PCDHGA9: variants seen among roughly 807,000 people sequenced by gnomAD.
PCDHGA9 encodes protocadherin gamma subfamily A, 9.
A neutral mutation model predicts 62.5 loss-of-function variants in PCDHGA9; 37 were observed. The ratio of observed to expected loss-of-function variants is 0.59; its 90% CI spans 0.46 to 0.78. The LOEUF is 0.78. PCDHGA9 is among the 30% of genes least tolerant of loss of function. PCDHGA9 has a pLI of 0.00. For missense variants in PCDHGA9, 1,138 were observed against 1,166.2 expected, an observed-to-expected ratio of 0.98 and a Z score of 0.35; for synonymous variants, 459 against 484.6, an observed-to-expected ratio of 0.95 and a Z score of 0.69.
rs1430647254 is a variant in PCDHGA9 at position 141,477,750 on chromosome 5, C to T, written c.2425-17057C>T. On this transcript the variant is annotated intron_variant, in intron 1 of 3. Coordinates refer to ENST00000573521, the MANE Select transcript of PCDHGA9 (RefSeq NM_018921.3). This position sits in a 1 kb window ranked among gnomAD's most constrained non-coding sequence, Gnocchi z 4.9. ...GCTCATATCAGCGATGGGGGCACCC[C>T]GGTCCTAGCCACCAACATCAGCGTG... 8 of 1,613,772 alleles carry T rather than the reference C, an allele frequency of 5.0e-6. No individual in the cohort carries two copies. Among genetic ancestry groups the T allele is most frequent in the East Asian group, 2.2e-5 (1 of 44,890 alleles).
At position 141,490,909 on chromosome 5, in the gene PCDHGA9, G is replaced by A. The variant is rs1170664693; in HGVS notation, c.2425-3898G>A. On this transcript the variant is annotated intron_variant, in intron 1 of 3. Coordinates refer to ENST00000573521, the MANE Select transcript of PCDHGA9 (RefSeq NM_018921.3). The surrounding 1 kb of genome is among the most constrained non-coding windows in gnomAD (Gnocchi z 5.4). ...ATCTCTGCATGTGTTTGTCCTAGAC[G>A]AGAATGATAATGCCCCAGCTGTGCT... The A allele has an allele frequency of 1.1e-5, 17 of 1,613,626 alleles. No individual in the cohort carries two copies. Among genetic ancestry groups the A allele is most frequent in the East Asian group, 4.5e-5 (2 of 44,882 alleles).
Position 141,444,232 on chromosome 5 carries a change from C to T in PCDHGA9, c.2424+38856C>T, listed in dbSNP as rs1411172798. Among the ~76,000 whole-genome samples the T allele has an allele frequency of 2.5e-5, 3 of 122,350 alleles. No individual in the cohort carries two copies. In the Admixed American group the frequency reaches 3.3e-4, roughly 14 times the overall value. The allele number at this position is 122,350 out of a possible 152,430, so 80.3% of individuals were successfully genotyped here. ...TGTTGCCCAGGCTGGAGTGCAATGG[C>T]ATGCTCTCGGCTCACTGCAACCTCC... is the stretch of plus-strand genomic sequence containing the variant. On this transcript the variant is annotated intron_variant, in intron 1 of 3. Coordinates refer to ENST00000573521, the MANE Select transcript of PCDHGA9 (RefSeq NM_018921.3).
intron 1 of PCDHGA9, chr5:141,426,927 A>G (rs1480193041): frequency 2.2e-6 from 1 of 456,634 alleles, no homozygotes; most frequent in African/African-American, 2.0e-5. Flanking sequence ...AGCAATGGAC[A>G]TGGGTGACCC....
Position 141,486,914 on chromosome 5 carries a change from C to T in PCDHGA9, c.2425-7893C>T, listed in dbSNP as rs1469857080. On this transcript the variant is annotated intron_variant, in intron 1 of 3. Coordinates refer to ENST00000573521, the MANE Select transcript of PCDHGA9 (RefSeq NM_018921.3). This position sits in a 1 kb window ranked among gnomAD's most constrained non-coding sequence, Gnocchi z 5.0. ...TGGTTCCTTATGTCCCCAAGCACTG[C>T]CTCCATCAGTTGGTGCTGGCCACCT... The T allele has an allele frequency of 6.2e-7, 1 of 1,614,236 alleles. No individual in the cohort carries two copies.
intron 1 of PCDHGA9, among the ~76,000 whole-genome samples, chr5:141,429,535 T>TG (rs1278730394): frequency 2.0e-5 from 3 of 152,168 alleles, no homozygotes; most frequent in Non-Finnish European, 4.4e-5. Flanking sequence ...CTTAAAAAAA[T>TG]AAGAACATGG....
At position 141,460,912 on chromosome 5, in the gene PCDHGA9, G is replaced by GTA. The variant is rs34683754; in HGVS notation, c.2425-33883_2425-33882dup. ...TCGTGGCTGAGTAATATTCCATGGT[G>GTA]TATATATATATATGTGTGTGTGTAT... On this transcript the variant is annotated intron_variant, in intron 1 of 3. Coordinates refer to ENST00000573521, the MANE Select transcript of PCDHGA9 (RefSeq NM_018921.3). Among the ~76,000 whole-genome samples, 731 of 149,318 alleles carry GTA rather than the reference G, an allele frequency of 4.9e-3. 9 individuals carry two copies. Among genetic ancestry groups the GTA allele is most frequent in the African/African-American group, 0.016 (631 of 40,624 alleles).
At chr5:141,456,051 C>T (rs1592410743) in intron 1 of PCDHGA9, among the ~76,000 whole-genome samples, 1 of 151,998 alleles carries the variant, frequency 6.6e-6, no homozygotes, top group Non-Finnish European at 1.5e-5. Context: ...GCGCCCACCA[C>T]CACGTCCGGC....
In PCDHGA9 at chr5:141,476,780, C is replaced by T. The variant is rs201463036; in HGVS notation, c.2425-18027C>T. On this transcript the variant is annotated intron_variant, in intron 1 of 3. Transcript: ENST00000573521. This position sits in a 1 kb window ranked among gnomAD's most constrained non-coding sequence, Gnocchi z 7.6. ...GCTGACGGCGTTGGACGGAGGGACCCCAGCTCTCTCCGCCAGCCTGCCTAT... is the reference window on the plus strand; with the variant it reads ...GCTGACGGCGTTGGACGGAGGGACCTCAGCTCTCTCCGCCAGCCTGCCTAT... 234 of 1,613,464 alleles carry T rather than the reference C, an allele frequency of 1.5e-4. No individual in the cohort carries two copies. Among genetic ancestry groups the T allele is most frequent in the Non-Finnish European group, 1.9e-4 (227 of 1,180,026 alleles).
In PCDHGA9 at chr5:141,404,779, C is replaced by G; in HGVS notation, c.1827C>G (p.Phe609Leu). 6.2e-7 allele frequency: 1 copy of G among 1,613,746 alleles called. No homozygotes were observed. The highest frequency in any genetic ancestry group is 8.5e-7 in the Non-Finnish European group (1 of 1,180,004). Residue 609 changes from phenylalanine (F) to leucine (L), a missense_variant, in exon 1 of 4, where the codon TTC becomes TTG. Phe to Leu is a conservative substitution (Grantham distance 22). Coordinates refer to ENST00000573521, the MANE Select transcript of PCDHGA9 (RefSeq NM_018921.3). ...GQNAWLSYRL[F>L]KASEPGLFSV... ...ATGCTTGGCTCTCCTACCGCCTATT[C>G]AAGGCCAGTGAGCCAGGGCTCTTCT...
chr5:141,409,278 A>C, intron 1 of PCDHGA9: 1 of 1,614,022 alleles, frequency 6.2e-7, no homozygotes, highest in Non-Finnish European at 8.5e-7. Flanking sequence ...ATTTTGGAGA[A>C]TTCACCTCCA....
At position 141,491,318 on chromosome 5, in the gene PCDHGA9, A is replaced by C; in HGVS notation, c.2425-3489A>C. The C allele has an allele frequency of 6.2e-7, 1 of 1,613,862 alleles. No individual in the cohort carries two copies. The highest frequency in any genetic ancestry group is 8.5e-7 in the Non-Finnish European group (1 of 1,179,916). On this transcript the variant is annotated intron_variant, in intron 1 of 3. Transcript: ENST00000573521. The surrounding 1 kb of genome is among the most constrained non-coding windows in gnomAD (Gnocchi z 6.9). ...CCTGAGCGTTCAGACCTTACCCTTT[A>C]CCTCATTGTGGCTCTAGCGACCGTC...
rs113212669 is a variant in PCDHGA9 at position 141,465,048 on chromosome 5, A to T, written c.2425-29759A>T. 2.4e-3 allele frequency among the ~76,000 whole-genome samples: 362 copies of T among 151,344 alleles called. 4 individuals are homozygous for T. Among genetic ancestry groups the T allele is most frequent in the African/African-American group, 8.4e-3 (346 of 41,268 alleles). On this transcript the variant is annotated intron_variant, in intron 1 of 3. Transcript: ENST00000573521. ...TGAACCACCACAAATGACCCTATAT[A>T]TTTTTTTGAATTGTCTGTTCATGTC...
intron 1 of PCDHGA9, chr5:141,426,194 T>C (rs1482565872): frequency 6.4e-6 from 1 of 155,380 alleles, no homozygotes; most frequent in Non-Finnish European, 1.4e-5. Context: ...ACTGGGAGCA[T>C]TGAGTTTTCT....
At chr5:141,428,407 T>C in intron 1 of PCDHGA9, 1 of 470,350 alleles carries the variant, frequency 2.1e-6, no homozygotes, top group South Asian at 2.0e-5. Context: ...CTGGGGTTGC[T>C]TTCACCCTGG....
intron 1 of PCDHGA9, chr5:141,430,604 A>C (rs1288378907): frequency 7.8e-6 from 5 of 641,158 alleles, no homozygotes; most frequent in Non-Finnish European, 1.2e-5. Context: ...CGCCTGAAGC[A>C]CAAAGCAGAT....
intron 3 of PCDHGA9, among the ~76,000 whole-genome samples, chr5:141,507,617 C>T (rs1366723844): frequency 6.6e-6 from 1 of 152,278 alleles, no homozygotes; most frequent in African/African-American, 2.4e-5. Context: ...GTATATTTAG[C>T]TGTTGTGGCC....
At chr5:141,498,073 T>C (rs1474889879) in intron 2 of PCDHGA9, among the ~76,000 whole-genome samples, 1 of 152,214 alleles carries the variant, frequency 6.6e-6, no homozygotes, top group Non-Finnish European at 1.5e-5. Context: ...CTGTCATAAG[T>C]GCTAGGTAGA....
intron 1 of PCDHGA9, chr5:141,418,303 G>T: frequency 6.2e-7 from 1 of 1,614,032 alleles, no homozygotes; most frequent in Middle Eastern, 1.6e-4. Flanking sequence ...CCGTCAGCCT[G>T]GGGATGGGAA....
At chr5:141,423,644 A>G in intron 1 of PCDHGA9, 1 of 1,592,866 alleles carries the variant, frequency 6.3e-7, no homozygotes, top group South Asian at 1.1e-5. Context: ...GGCAAATGTG[A>G]CCCGACAAGT....
Sources: allele counts gnomAD v4.1 joint callset (sites outside exome capture counted in the v4.1 genomes callset), GRCh38; gene constraint gnomAD v4.1.1; non-coding constraint Gnocchi (gnomAD v3.1); transcripts MANE v1.5; gene names NCBI Gene and HGNC (gene_info 2026-07-23, HGNC 2026-07-21).